TPRG1: variants seen among roughly 807,000 people sequenced by gnomAD.
The protein encoded by TPRG1 is tumor protein p63 regulated 1, also known as tumor protein p63-regulated gene 1 protein.
A neutral mutation model predicts 29.3 loss-of-function variants in TPRG1; 29 were observed. That is an observed-to-expected ratio of 0.99 (90% CI 0.74 to 1.35). The LOEUF is 1.35. Ranked by LOEUF, TPRG1 falls within the 40% of genes most tolerant of loss-of-function variation. The pLI is 0.00. For synonymous variants in TPRG1, 130 were observed against 116.8 expected (o/e 1.11, Z -0.73); for missense variants, 327 against 335.0 (o/e 0.98, Z 0.19).
At chr3:189,129,461 T>A (rs1323457969) in intron 2 of TPRG1, among the ~76,000 whole-genome samples, 1 of 152,168 alleles carries the variant, frequency 6.6e-6, no homozygotes, top group East Asian at 1.9e-4. Context: ...TCTGCTGGAT[T>A]TTTCCACTGT....
intron 4 of TPRG1, among the ~76,000 whole-genome samples, chr3:189,024,852 G>A (rs1280299790): frequency 2.0e-5 from 3 of 152,306 alleles, no homozygotes; most frequent in East Asian, 1.9e-4. Context: ...TCCCTTTCTC[G>A]TTCGGATCTT....
At chr3:189,195,644 T>C (rs1261234694) in intron 1 of TPRG1, among the ~76,000 whole-genome samples, 2 of 152,202 alleles carry the variant, frequency 1.3e-5, no homozygotes, top group East Asian at 1.9e-4. Flanking sequence ...CTATGTGGAC[T>C]CCAGTCAGCT....
chr3:189,292,308 T>G (rs1719138555), intron 4 of TPRG1, among the ~76,000 whole-genome samples: 2 of 150,366 alleles, frequency 1.3e-5, no homozygotes, highest in South Asian at 4.2e-4. Context: ...TTTTTTTTTT[T>G]GCTTATCTGT....
chr3:189,241,013 A>C (rs1175370506), intron 4 of TPRG1, among the ~76,000 whole-genome samples: 2 of 152,150 alleles, frequency 1.3e-5, no homozygotes, highest in Non-Finnish European at 2.9e-5. Flanking sequence ...TCATTGATGT[A>C]TATCTATTTT....
chr3:189,095,303 G>T (rs1320291414), upstream of TPRG1, among the ~76,000 whole-genome samples: 1 of 152,096 alleles, frequency 6.6e-6, no homozygotes, highest in Non-Finnish European at 1.5e-5. Flanking sequence ...GAGAGTGGGG[G>T]AGTCATAGAC....
At chr3:189,057,833 C>T (rs1244029463) in intron 4 of TPRG1, among the ~76,000 whole-genome samples, 1 of 116,078 alleles carries the variant, frequency 8.6e-6, no homozygotes, top group Non-Finnish European at 1.6e-5. Context: ...TATATACACA[C>T]ATATGTATGT....
intron 1 of TPRG1, among the ~76,000 whole-genome samples, chr3:189,122,169 C>T (rs547147159): frequency 2.6e-4 from 39 of 151,982 alleles, no homozygotes; most frequent in African/African-American, 8.4e-4. Context: ...ACTTTCTCTC[C>T]GACGTCTTTT....
At chr3:189,086,420 A>G (rs112743408) in intron 4 of TPRG1, among the ~76,000 whole-genome samples, 2,058 of 151,272 alleles carry the variant, frequency 0.014, 45 homozygotes, top group African/African-American at 0.045. Context: ...CTGCAGTGGC[A>G]CAATCAAAGC....
intron 2 of TPRG1, among the ~76,000 whole-genome samples, chr3:189,208,109 C>T (rs716956): frequency 1.3e-5 from 2 of 152,214 alleles, no homozygotes; most frequent in Admixed American, 1.3e-4. Context: ...GCTCTCTTAC[C>T]TGTGCAATGG....
chr3:189,237,496 C>A (rs533215179), intron 3 of TPRG1, among the ~76,000 whole-genome samples: 51 of 152,254 alleles, frequency 3.3e-4, no homozygotes, highest in African/African-American at 1.2e-3. Flanking sequence ...AATATGTCTG[C>A]TTTGAGAAAA....
chr3:189,239,980 T>C (rs549131908), intron 4 of TPRG1, among the ~76,000 whole-genome samples: 1 of 152,268 alleles, frequency 6.6e-6, no homozygotes, highest in East Asian at 1.9e-4. Context: ...TGTGAGGTCT[T>C]CCCATTGAAC....
intron 4 of TPRG1, among the ~76,000 whole-genome samples, chr3:189,256,982 T>C (rs949024999): frequency 2.6e-5 from 4 of 152,226 alleles, no homozygotes; most frequent in Admixed American, 6.5e-5. Flanking sequence ...TGACTTTTAA[T>C]TGGAGAATTT....
chr3:189,006,872 A>G (rs820824), intron 3 of TPRG1, among the ~76,000 whole-genome samples: 149,809 of 152,210 alleles, frequency 0.98, 73,767 homozygotes, highest in Non-Finnish European at 1. Context: ...GACTTGAGTC[A>G]TTGCTACAGA....
upstream of TPRG1, among the ~76,000 whole-genome samples, chr3:189,097,360 T>C (rs890279233): frequency 6.6e-6 from 1 of 152,240 alleles, no homozygotes; most frequent in South Asian, 2.1e-4. Context: ...TGAAAAAATG[T>C]CTGTGAAATA....
intron 3 of TPRG1, among the ~76,000 whole-genome samples, chr3:189,238,457 A>C (rs1560590849): frequency 6.6e-6 from 1 of 152,188 alleles, no homozygotes. Context: ...CACAACACAC[A>C]CTGGGTATTC....
intron 4 of TPRG1, among the ~76,000 whole-genome samples, chr3:189,084,203 G>A (rs915742899): frequency 6.6e-6 from 1 of 151,974 alleles, no homozygotes; most frequent in Non-Finnish European, 1.5e-5. Flanking sequence ...CATAATAGGT[G>A]CTCAGTGAAT....
chr3:189,100,401 T>C (rs965346905), intron 1 of TPRG1, among the ~76,000 whole-genome samples: 3 of 152,160 alleles, frequency 2.0e-5, no homozygotes, highest in Admixed American at 1.3e-4. Context: ...ATCTCCAATC[T>C]CACCTCCTCC....
At chr3:189,073,718 T>C (rs1189552679) in intron 4 of TPRG1, among the ~76,000 whole-genome samples, 1 of 152,182 alleles carries the variant, frequency 6.6e-6, no homozygotes, top group Non-Finnish European at 1.5e-5. Flanking sequence ...TACACCCCTG[T>C]AGGTGAGCAA....
chr3:189,255,169 T>C (rs1711608844), intron 4 of TPRG1, among the ~76,000 whole-genome samples: 1 of 152,222 alleles, frequency 6.6e-6, no homozygotes, highest in Non-Finnish European at 1.5e-5. Context: ...TTCTCATAAA[T>C]AGCTCCTCTT....
Sources: allele counts gnomAD v4.1 joint callset (sites outside exome capture counted in the v4.1 genomes callset), GRCh38; gene constraint gnomAD v4.1.1; transcripts MANE v1.5; gene names NCBI Gene and HGNC (gene_info 2026-07-23, HGNC 2026-07-21).